Variants in INVS observed in about 807,000 individuals in gnomAD.
INVS encodes the protein inversin.
Under a neutral mutation model 108.8 loss-of-function variants are expected in INVS, and 86 were observed. That is an observed-to-expected ratio of 0.79 (90% CI 0.66 to 0.95). The LOEUF (loss-of-function observed/expected upper bound fraction) is 0.95. INVS is among the 40% of genes least tolerant of loss of function. INVS has a pLI of 0.00. For synonymous variants in INVS, 455 were observed against 473.5 expected (o/e 0.96, Z 0.51); for missense variants, 1,169 against 1,297.4 (o/e 0.90, Z 1.52).
Position 100,300,554 on chromosome 9 carries a change from T to C in INVS, c.3092-14T>C. The C allele has an allele frequency of 2.0e-6, 3 of 1,500,248 alleles. No individual in the cohort carries two copies. Among genetic ancestry groups the C allele is most frequent in the Non-Finnish European group, 1.9e-6 (2 of 1,076,354 alleles). The allele number at this position is 1,500,248 out of a possible 1,614,324, so 92.9% of individuals were successfully genotyped here. ...TAATAACCTTAATATCTATCTGGTA[T>C]TTGTTTTTAACAGTGAGCAACCTAC... is the stretch of plus-strand genomic sequence containing the variant. On this transcript the variant is annotated splice_polypyrimidine_tract_variant and intron_variant, in intron 16 of 16. Coordinates refer to ENST00000262457, the MANE Select transcript of INVS (RefSeq NM_014425.5).
intron 10 of INVS, among the ~76,000 whole-genome samples, chr9:100,262,151 C>T (rs1588130837): frequency 6.7e-6 from 1 of 149,968 alleles, no homozygotes; most frequent in East Asian, 2.0e-4. Context: ...ATTTTTGCGT[C>T]TATGTTTATG....
At chr9:100,130,579 T>C (rs1035477987) in intron 3 of INVS, 1 of 152,202 alleles carries the variant, frequency 6.6e-6, no homozygotes, top group African/African-American at 2.4e-5. Flanking sequence ...ATGCTCTCAG[T>C]ACCCATCCCT....
At chr9:100,300,461 C>T (rs1415811904) in intron 16 of INVS, 107 bp from the exon 17 acceptor site, 1 of 765,032 alleles carries the variant, frequency 1.3e-6, no homozygotes, top group East Asian at 2.7e-5. Context: ...GCCCATCATC[C>T]CAGGGATAGC....
At chr9:100,287,323 C>A (rs1320600150) in intron 13 of INVS, among the ~76,000 whole-genome samples, 1 of 152,186 alleles carries the variant, frequency 6.6e-6, no homozygotes, top group Non-Finnish European at 1.5e-5. Context: ...CTAGAATTTG[C>A]ACACATTATA....
At chr9:100,257,295 A>G (rs962422607) in intron 10 of INVS, among the ~76,000 whole-genome samples, 2 of 152,098 alleles carry the variant, frequency 1.3e-5, no homozygotes, top group African/African-American at 2.4e-5. Context: ...TTTTGAGCCT[A>G]TGTGTGTCTC....
At chr9:100,239,428 A>G in intron 5 of INVS, among the ~76,000 whole-genome samples, 1 of 152,372 alleles carries the variant, frequency 6.6e-6, no homozygotes, top group East Asian at 1.9e-4. Flanking sequence ...TTATGGATAC[A>G]TACATATATA....
At chr9:100,253,867 A>G (rs528594480) in intron 10 of INVS, among the ~76,000 whole-genome samples, 3 of 152,306 alleles carry the variant, frequency 2.0e-5, no homozygotes, top group East Asian at 3.9e-4. Flanking sequence ...ATAGTGCCGC[A>G]ATAAACATAC....
At chr9:100,245,572 G>A (rs906735939) in intron 7 of INVS, among the ~76,000 whole-genome samples, 4 of 152,114 alleles carry the variant, frequency 2.6e-5, no homozygotes, top group Non-Finnish European at 5.9e-5. Context: ...GAGCCACTGC[G>A]CCCGGCCCAG....
chr9:100,284,815 A>G (rs908375088), intron 13 of INVS, among the ~76,000 whole-genome samples: 11 of 151,540 alleles, frequency 7.3e-5, no homozygotes, highest in African/African-American at 2.4e-4. Context: ...TAAAAATTCT[A>G]TCTTGATTGA....
At chr9:100,144,929 G>A (rs932297570) in intron 3 of INVS, among the ~76,000 whole-genome samples, 1 of 152,130 alleles carries the variant, frequency 6.6e-6, no homozygotes. Flanking sequence ...GTAGAAGAAT[G>A]CCTGGACGTC....
chr9:100,118,141 A>T (rs1258097687), intron 2 of INVS, among the ~76,000 whole-genome samples: 3 of 148,120 alleles, frequency 2.0e-5, no homozygotes, highest in African/African-American at 5.0e-5. Flanking sequence ...GCCTCACGTG[A>T]TCCTCCTGCC....
At chr9:100,299,750 A>T (rs1833909114) in intron 16 of INVS, among the ~76,000 whole-genome samples, 1 of 152,024 alleles carries the variant, frequency 6.6e-6, no homozygotes, top group Non-Finnish European at 1.5e-5. Context: ...GAATGGAATA[A>T]CTGTGATTAT....
intron 4 of INVS, among the ~76,000 whole-genome samples, chr9:100,228,845 G>A (rs1476845695): frequency 6.6e-6 from 1 of 152,126 alleles, no homozygotes; most frequent in East Asian, 1.9e-4. Context: ...ATAGACAATA[G>A]TCTCCCTTGT....
chr9:100,145,448 G>T (rs949719709), intron 3 of INVS, among the ~76,000 whole-genome samples: 6 of 151,906 alleles, frequency 3.9e-5, no homozygotes, highest in Non-Finnish European at 8.8e-5. Flanking sequence ...AGAGGTCAGG[G>T]CATGGAATTA....
chr9:100,226,294 G>T (rs975952124), intron 4 of INVS, 59 bp downstream of exon 4: 18 of 1,478,542 alleles, frequency 1.2e-5, no homozygotes, highest in Non-Finnish European at 1.7e-5. Context: ...TTCCTTTTAT[G>T]ATGTGAAATT....
At chr9:100,269,198 T>G (rs1291147732) in intron 11 of INVS, among the ~76,000 whole-genome samples, 3 of 152,174 alleles carry the variant, frequency 2.0e-5, no homozygotes, top group African/African-American at 7.2e-5. Flanking sequence ...TAACCTTTGG[T>G]AAGTTGCTTA....
chr9:100,184,416 C>G (rs1387165544), intron 3 of INVS, among the ~76,000 whole-genome samples: 2 of 152,112 alleles, frequency 1.3e-5, no homozygotes, highest in African/African-American at 2.4e-5. Context: ...ACTGTTTTAC[C>G]TCACTGAAAA....
rs71503733 is a variant in INVS at position 100,166,965 on chromosome 9, C to T, written c.273+40416C>T. On this transcript the variant is annotated intron_variant, in intron 3 of 16. Transcript: ENST00000262457. ...CCCTTTAAAGGATTTTCCAGTTGAG[C>T]GCAGTGGCTTACACCAGCACTTTGG... Among the ~76,000 whole-genome samples, 861 of 152,268 alleles carry T rather than the reference C, an allele frequency of 5.7e-3. 6 individuals are homozygous for T. The highest frequency in any genetic ancestry group is 9.1e-3 in the Non-Finnish European group (620 of 68,006).
intron 3 of INVS, chr9:100,129,769 T>A: frequency 1.5e-6 from 1 of 653,512 alleles, no homozygotes; most frequent in Non-Finnish European, 2.8e-6. Context: ...CATCCTGGCC[T>A]TTTCCTTTAT....
Sources: allele counts gnomAD v4.1 joint callset (sites outside exome capture counted in the v4.1 genomes callset), GRCh38; gene constraint gnomAD v4.1.1; transcripts MANE v1.5; gene names NCBI Gene and HGNC (gene_info 2026-07-23, HGNC 2026-07-21).